Variants in FBN1 observed in about 807,000 individuals in gnomAD.
FBN1 encodes the protein fibrillin 1, also known as fibrillin-1.
A neutral mutation model predicts 365.1 loss-of-function variants in FBN1; 29 were observed. The ratio of observed to expected loss-of-function variants is 0.08; its 90% confidence interval spans 0.06 to 0.11. FBN1 has a LOEUF of 0.11. Ranked by LOEUF, FBN1 falls within the 10% of genes least tolerant of loss-of-function variation. The probability of loss-of-function intolerance (pLI) is 1.00; values close to 1 mark genes in which losing one functional copy is unlikely to be tolerated. For synonymous variants in FBN1, 1,210 were observed against 1,270.5 expected (o/e 0.95, Z 1.01); for missense variants, 2,476 against 3,703.2 (o/e 0.67, Z 8.60).
chr15:48,501,941 C>A (rs1597573064), intron 17 of FBN1, among the ~76,000 whole-genome samples: 1 of 152,258 alleles, frequency 6.6e-6, no homozygotes. Context: ...GATTGGTGAT[C>A]ATACATAAAA....
At chr15:48,622,263 A>T (rs1889783479) in intron 2 of FBN1, among the ~76,000 whole-genome samples, 1 of 152,158 alleles carries the variant, frequency 6.6e-6, no homozygotes, top group Non-Finnish European at 1.5e-5. Flanking sequence ...ACAGTCTAGG[A>T]ACACAGGCAC....
chr15:48,534,237 A>C, intron 7 of FBN1, 32 bp from the exon 8 acceptor site: 1 of 1,599,346 alleles, frequency 6.3e-7, no homozygotes, highest in Non-Finnish European at 8.5e-7. Context: ...AGAGAAAAAA[A>C]AAAAACTCAT....
chr15:48,477,829 G>A (rs1036601584), intron 32 of FBN1, among the ~76,000 whole-genome samples: 9 of 152,260 alleles, frequency 5.9e-5, no homozygotes, highest in African/African-American at 1.9e-4. Flanking sequence ...AAGTGACACC[G>A]CAACCTTCTT....
intron 6 of FBN1, among the ~76,000 whole-genome samples, chr15:48,545,427 T>G (rs563864404): frequency 7.9e-5 from 12 of 152,232 alleles, no homozygotes; most frequent in African/African-American, 2.4e-4. Flanking sequence ...ACGTGGAGGG[T>G]GAAGGCATAT....
At chr15:48,569,048 A>C (rs962529753) in intron 6 of FBN1, among the ~76,000 whole-genome samples, 3 of 152,120 alleles carry the variant, frequency 2.0e-5, no homozygotes, top group African/African-American at 7.2e-5. Flanking sequence ...CGAAAATTAA[A>C]AAGACAAGTC....
intron 6 of FBN1, among the ~76,000 whole-genome samples, chr15:48,569,408 G>A (rs981209488): frequency 6.6e-6 from 1 of 152,044 alleles, no homozygotes; most frequent in Non-Finnish European, 1.5e-5. Flanking sequence ...AAAATAATTA[G>A]GCAGTTTCTT....
intron 54 of FBN1, 33 bp downstream of exon 54, chr15:48,434,561 C>T (rs368325317): frequency 1.5e-5 from 24 of 1,612,582 alleles, no homozygotes; most frequent in Middle Eastern, 1.7e-4. Context: ...GATCAGTACA[C>T]GTAATCAACT....
At chr15:48,539,679 C>A (rs1214844051) in intron 6 of FBN1, among the ~76,000 whole-genome samples, 1 of 152,080 alleles carries the variant, frequency 6.6e-6, no homozygotes, top group African/African-American at 2.4e-5. Context: ...TACATGCAAC[C>A]AGACTCACCA....
intron 9 of FBN1, among the ~76,000 whole-genome samples, chr15:48,521,870 C>T (rs2043859201): frequency 6.6e-6 from 1 of 152,166 alleles, no homozygotes; most frequent in Admixed American, 6.5e-5. Context: ...GGTCTCTAAC[C>T]CCCAGGGGCC....
rs868121713 is a variant in FBN1 at position 48,437,531 on chromosome 15, A to G, written c.6314-144T>C. 8.3e-6 allele frequency: 7 copies of G among 847,750 alleles called. No homozygotes were observed. The African/African-American group carries it at 8.4e-5, about 10-fold the overall frequency. 52.5% of individuals were successfully genotyped at this position (847,750 alleles called of 1,614,324 possible). ...ACAAGCCCAGAAACCAGAGGAAGTT[A>G]TTTAACGAGACTCCCTAAGATGTTG... On this transcript the variant is annotated intron_variant, in intron 51 of 65. Coordinates refer to ENST00000316623, the MANE Select transcript of FBN1 (RefSeq NM_000138.5).
chr15:48,564,474 G>A (rs1471485278), intron 6 of FBN1, among the ~76,000 whole-genome samples: 1 of 150,992 alleles, frequency 6.6e-6, no homozygotes, highest in East Asian at 2.0e-4. Context: ...TGGACTCAAT[G>A]TCTCTGTCTA....
At chr15:48,523,758 G>T (rs2043882542) in intron 9 of FBN1, among the ~76,000 whole-genome samples, 1 of 151,634 alleles carries the variant, frequency 6.6e-6, no homozygotes, top group African/African-American at 2.4e-5. Flanking sequence ...TGTACAGAGG[G>T]TAAGGGGTGG....
intron 51 of FBN1, 129 bp downstream of exon 51, chr15:48,437,639 A>G (rs1371679237): frequency 9.3e-7 from 1 of 1,077,780 alleles, no homozygotes; most frequent in African/African-American, 1.6e-5. Flanking sequence ...ATAATTTTTA[A>G]TGAACATTCT....
At chr15:48,476,295 G>A (rs2043417480) in intron 32 of FBN1, among the ~76,000 whole-genome samples, 1 of 152,186 alleles carries the variant, frequency 6.6e-6, no homozygotes, top group Non-Finnish European at 1.5e-5. Context: ...CATTTTTGTG[G>A]AGTTTTGCCT....
intron 2 of FBN1, among the ~76,000 whole-genome samples, chr15:48,629,448 G>A (rs1028329233): frequency 6.6e-6 from 1 of 151,794 alleles, no homozygotes; most frequent in Non-Finnish European, 1.5e-5. Context: ...TGAATAAACT[G>A]CAAAAAAACA....
chr15:48,597,683 T>C (rs2044526479), intron 5 of FBN1, among the ~76,000 whole-genome samples: 1 of 152,250 alleles, frequency 6.6e-6, no homozygotes, highest in Admixed American at 6.5e-5. Flanking sequence ...CACAACCCTT[T>C]TTAACCAAAA....
chr15:48,523,342 T>C (rs188941462), intron 9 of FBN1, among the ~76,000 whole-genome samples: 1 of 152,342 alleles, frequency 6.6e-6, no homozygotes, highest in African/African-American at 2.4e-5. Context: ...AAATCAACTA[T>C]GATACCATGT....
chr15:48,421,261 AATG>A (rs2141221334), intron 62 of FBN1, among the ~76,000 whole-genome samples: 1 of 152,310 alleles, frequency 6.6e-6, no homozygotes, highest in South Asian at 2.1e-4. Context: ...CCAGAAAATT[AATG>A]AATCAAAATC....
intron 50 of FBN1, among the ~76,000 whole-genome samples, chr15:48,441,072 T>A (rs966430988): frequency 6.6e-6 from 1 of 152,204 alleles, no homozygotes; most frequent in African/African-American, 2.4e-5. Context: ...TTTAGAAAAG[T>A]CTAAACAGTT....
Sources: allele counts gnomAD v4.1 joint callset (sites outside exome capture counted in the v4.1 genomes callset), GRCh38; gene constraint gnomAD v4.1.1; transcripts MANE v1.5; gene names NCBI Gene and HGNC (gene_info 2026-07-23, HGNC 2026-07-21).